KATNIP: variants seen among roughly 807,000 people sequenced by gnomAD.
KATNIP encodes the protein katanin-interacting protein.
A neutral mutation model predicts 174.0 loss-of-function variants in KATNIP; 126 were observed. The ratio of observed to expected loss-of-function variants is 0.72; its 90% CI spans 0.63 to 0.84. The LOEUF is 0.84. Ranked by LOEUF, KATNIP falls within the 40% of genes least tolerant of loss-of-function variation. The pLI, the probability that KATNIP is intolerant of heterozygous loss-of-function variation, is 0.00. For synonymous variants in KATNIP, 810 were observed against 835.7 expected (o/e 0.97, Z 0.53); for missense variants, 1,958 against 2,109.7 (o/e 0.93, Z 1.41).
At chr16:27,640,385 G>A (rs1048017654) in intron 5 of KATNIP, among the ~76,000 whole-genome samples, 1 of 152,180 alleles carries the variant, frequency 6.6e-6, no homozygotes, top group African/African-American at 2.4e-5. Flanking sequence ...AGCCATGCAC[G>A]GCCTGGGGGG....
chr16:27,699,690 C>T, intron 10 of KATNIP, 91 bp downstream of exon 10: 1 of 1,565,632 alleles, frequency 6.4e-7, no homozygotes, highest in African/African-American at 1.4e-5. Flanking sequence ...AAGCCCTATG[C>T]ATGTGCATAG....
chr16:27,664,984 G>T (rs1401429377), intron 6 of KATNIP, among the ~76,000 whole-genome samples: 1 of 152,190 alleles, frequency 6.6e-6, no homozygotes, highest in Non-Finnish European at 1.5e-5. Context: ...TAAGTAAGGG[G>T]CAGCAGAGAG....
chr16:27,606,526 CAT>C (rs935337362), intron 2 of KATNIP, among the ~76,000 whole-genome samples: 2 of 151,776 alleles, frequency 1.3e-5, no homozygotes, highest in Non-Finnish European at 2.9e-5. Flanking sequence ...CACACACACA[CAT>C]ACACACACAC....
chr16:27,618,618 A>T (rs532765597), intron 3 of KATNIP, 117 bp downstream of exon 3: 1 of 677,500 alleles, frequency 1.5e-6, no homozygotes, highest in African/African-American at 1.8e-5. Context: ...GTCCCCCTCC[A>T]CTCAGAGGCT....
chr16:27,621,550 G>C (rs558588833), intron 3 of KATNIP, among the ~76,000 whole-genome samples: 1 of 152,190 alleles, frequency 6.6e-6, no homozygotes, highest in East Asian at 1.9e-4. Context: ...CCTGGCATGG[G>C]CCCAATTCCA....
chr16:27,769,641 G>T (rs1265407077), intron 20 of KATNIP, among the ~76,000 whole-genome samples: 2 of 152,226 alleles, frequency 1.3e-5, no homozygotes, highest in Non-Finnish European at 2.9e-5. Context: ...GAAAGCCGTG[G>T]ACCAGTGTCC....
intron 6 of KATNIP, among the ~76,000 whole-genome samples, chr16:27,658,430 G>A (rs2077366581): frequency 6.6e-6 from 1 of 152,186 alleles, no homozygotes. Flanking sequence ...TCCAATGGAA[G>A]GAGCATCTTT....
At chr16:27,732,433 A>G (rs2080729528) in intron 14 of KATNIP, among the ~76,000 whole-genome samples, 1 of 152,238 alleles carries the variant, frequency 6.6e-6, no homozygotes, top group Non-Finnish European at 1.5e-5. Context: ...TAGTCCCCAG[A>G]GCAAGACCTC....
At chr16:27,649,315 T>G (rs573830996) in intron 6 of KATNIP, among the ~76,000 whole-genome samples, 8 of 152,370 alleles carry the variant, frequency 5.3e-5, no homozygotes, top group Non-Finnish European at 1.0e-4. Flanking sequence ...CAGGACATTT[T>G]ACTCCCCATC....
chr16:27,677,871 A>G lies in KATNIP; in HGVS notation c.683A>G (p.His228Arg), dbSNP rs1252662704. 3.1e-6 allele frequency: 5 copies of G among 1,614,234 alleles called. No individual in the cohort carries two copies. In the South Asian group the frequency reaches 3.3e-5, roughly 11 times the overall value. Residue 228 changes from histidine (H) to arginine (R), a missense_variant, in exon 7 of 28, where the codon CAT becomes CGT. By Grantham distance (29) the His-to-Arg change is conservative (BLOSUM62 0). This residue lies in a region of KATNIP where 1,557 missense variants were observed against 1,617.8 expected (regional missense o/e 0.96). Transcript: ENST00000261588. ...CCGGCACTGGTGGGCCATCCCAGACATGACCGCCCTCCTTCCAGTGGCGAC... is the reference window on the plus strand; with the variant it reads ...CCGGCACTGGTGGGCCATCCCAGACGTGACCGCCCTCCTTCCAGTGGCGAC... ...EDPALVGHPRHDRPPSSGDWT... is the reference protein window; with the variant it reads ...EDPALVGHPRRDRPPSSGDWT...
intron 5 of KATNIP, among the ~76,000 whole-genome samples, chr16:27,640,386 G>C (rs958272153): frequency 6.6e-6 from 1 of 152,204 alleles, no homozygotes; most frequent in East Asian, 1.9e-4. Context: ...GCCATGCACG[G>C]CCTGGGGGGC....
intron 1 of KATNIP, among the ~76,000 whole-genome samples, chr16:27,562,442 A>G (rs1037665571): frequency 3.3e-5 from 5 of 152,214 alleles, no homozygotes; most frequent in African/African-American, 1.2e-4. Flanking sequence ...CAAATTAGCT[A>G]TGTGGAGAAG....
At chr16:27,633,399 A>AT (rs1057077151) in intron 5 of KATNIP, among the ~76,000 whole-genome samples, 2 of 148,204 alleles carry the variant, frequency 1.3e-5, no homozygotes, top group Non-Finnish European at 1.5e-5. Context: ...TTTGTACTAT[A>AT]TTTTTTATTT....
chr16:27,630,927 C>T (rs953853235), intron 4 of KATNIP, 138 bp from the exon 5 acceptor site: 29 of 642,246 alleles, frequency 4.5e-5, no homozygotes, highest in African/African-American at 3.6e-4. Context: ...TTGCCACAAC[C>T]ACGCTGTAGT....
intron 4 of KATNIP, among the ~76,000 whole-genome samples, chr16:27,630,575 T>G (rs2076455972): frequency 6.6e-6 from 1 of 152,228 alleles, no homozygotes; most frequent in South Asian, 2.1e-4. Flanking sequence ...GAGGCAGACC[T>G]GCTGCTGCTA....
intron 11 of KATNIP, among the ~76,000 whole-genome samples, chr16:27,703,241 C>G (rs150708308): frequency 6.6e-6 from 1 of 152,212 alleles, no homozygotes; most frequent in East Asian, 1.9e-4. Context: ...TTATTACAAG[C>G]AGCATGCACT....
chr16:27,565,051 A>G (rs981502929), intron 1 of KATNIP, among the ~76,000 whole-genome samples: 2 of 150,808 alleles, frequency 1.3e-5, no homozygotes, highest in African/African-American at 4.9e-5. Context: ...GGTGTGAGCC[A>G]CCACGCCCGG....
Position 27,703,895 on chromosome 16 carries a change from G to C in KATNIP, c.1287-1G>C, listed in dbSNP as rs768200110. 7 of 1,613,588 alleles carry C rather than the reference G, an allele frequency of 4.3e-6. No individual in the cohort carries two copies. Among genetic ancestry groups the C allele is most frequent in the Admixed American group, 1.7e-5 (1 of 60,002 alleles). On this transcript the variant is annotated splice_acceptor_variant, in intron 11 of 27. Coordinates refer to ENST00000261588, the MANE Select transcript of KATNIP (RefSeq NM_015202.5). LOFTEE classifies it high-confidence loss of function. ...TTTGCTAAAACCAAATCCCATTTCA[G>C]ACAACAGCAGAAGCTTCTGAAAGTC...
At chr16:27,713,674 ATAT>A (rs2079712478) in intron 13 of KATNIP, among the ~76,000 whole-genome samples, 1 of 101,390 alleles carries the variant, frequency 9.9e-6, no homozygotes, top group African/African-American at 4.1e-5. Context: ...CATACATATT[ATAT>A]ATATGTGTGT....
Sources: gnomAD v4.1 joint callset for allele counts (sites outside exome capture counted in the v4.1 genomes callset) on GRCh38, gnomAD v4.1.1 for gene constraint, gnomAD v4.1.1 regional missense constraint, MANE v1.5 for transcripts, NCBI Gene and HGNC (gene_info 2026-07-23, HGNC 2026-07-21) for gene names.